Variants in TRAK1 observed in about 807,000 individuals in gnomAD.
The protein encoded by TRAK1 is trafficking kinesin-binding protein 1.
Under a neutral mutation model 92.1 loss-of-function variants are expected in TRAK1, and 33 were observed. The ratio of observed to expected loss-of-function variants is 0.36; its 90% CI spans 0.27 to 0.48. The LOEUF is 0.48. TRAK1 is among the 20% of genes least tolerant of loss of function. The pLI is 0.99. For missense variants in TRAK1, 1,123 were observed against 1,257.9 expected (o/e 0.89, Z 1.62); for synonymous variants, 521 against 517.3 (o/e 1.01, Z -0.10).
At chr3:42,018,081 T>C (rs1228223836) in intron 1 of TRAK1, among the ~76,000 whole-genome samples, 1 of 95,420 alleles carries the variant, frequency 1.0e-5, no homozygotes, top group Non-Finnish European at 2.4e-5. Flanking sequence ...TGAGACCTCA[T>C]TGTTACAAAA....
At chr3:42,118,438 C>CT (rs1346023809) in intron 1 of TRAK1, among the ~76,000 whole-genome samples, 1 of 152,228 alleles carries the variant, frequency 6.6e-6, no homozygotes, top group Non-Finnish European at 1.5e-5. Context: ...ATGTTGGACA[C>CT]TAATTTAGAG....
intron 1 of TRAK1, among the ~76,000 whole-genome samples, chr3:42,034,524 C>T (rs1419027968): frequency 1.3e-5 from 2 of 152,186 alleles, no homozygotes; most frequent in Non-Finnish European, 2.9e-5. Flanking sequence ...CTCCTGGGCT[C>T]AAGTGGTCTG....
At chr3:42,119,880 G>A (rs1023565368) in intron 1 of TRAK1, among the ~76,000 whole-genome samples, 10 of 152,114 alleles carry the variant, frequency 6.6e-5, no homozygotes, top group Non-Finnish European at 1.3e-4. Context: ...CTGTAGAAAC[G>A]TAGAGGCAGA....
chr3:42,040,925 C>T (rs976543938), intron 1 of TRAK1, among the ~76,000 whole-genome samples: 6 of 152,218 alleles, frequency 3.9e-5, no homozygotes, highest in Admixed American at 6.5e-5. Context: ...GTGATCTGCC[C>T]GCCTTGGCCT....
chr3:42,082,261 C>T (rs17067881), upstream of TRAK1, among the ~76,000 whole-genome samples: 6,172 of 152,072 alleles, frequency 0.041, 416 homozygotes, highest in African/African-American at 0.14. Context: ...GTAGTGAAAG[C>T]GAAAGTTATA....
chr3:42,160,606 T>C, intron 2 of TRAK1: 1 of 1,002,034 alleles, frequency 1.0e-6, no homozygotes, highest in Non-Finnish European at 1.4e-6. Flanking sequence ...AGAGATCTTA[T>C]GCAAATGGCT....
At chr3:42,155,190 A>T in intron 2 of TRAK1, among the ~76,000 whole-genome samples, 1 of 152,054 alleles carries the variant, frequency 6.6e-6, no homozygotes, top group South Asian at 2.1e-4. Context: ...ACAAAGGAAA[A>T]CGGGTTTGGG....
chr3:42,154,462 T>C (rs1382408510), intron 2 of TRAK1, among the ~76,000 whole-genome samples: 3 of 152,088 alleles, frequency 2.0e-5, no homozygotes, highest in Non-Finnish European at 1.5e-5. Flanking sequence ...CGTGAACCAC[T>C]GCACCCAGCC....
At position 42,202,498 on chromosome 3, in the gene TRAK1, C is replaced by T. The variant is rs542605152; in HGVS notation, c.1490C>T (p.Thr497Met). 3.2e-5 allele frequency: 48 copies of T among 1,507,246 alleles called. No individual in the cohort carries two copies. The East Asian group carries it at 4.2e-4, about 13-fold the overall frequency. The allele number at this position is 1,507,246 out of a possible 1,614,324, so 93.4% of individuals were successfully genotyped here. ...ACCCCAGGCTCCCACGACCTGGAGA[C>T]GGCGCTGAGGCGGCTGTCCCTGCGC... ...PGTPGSHDLE[T>M]ALRRLSLRRE... Residue 497 changes from threonine (T) to methionine (M), a missense_variant, in exon 13 of 16, where the codon ACG becomes ATG. Physicochemically the swap from Thr to Met is moderately conservative, Grantham distance 81. Around this residue, in one of 3 missense-constraint regions of TRAK1, gnomAD observed 686 missense variants for 747.6 expected, o/e 0.92. Transcript: ENST00000327628. This position sits in a 1 kb window ranked among gnomAD's most constrained non-coding sequence, Gnocchi z 6.1.
At chr3:42,103,760 A>T (rs1172926750) in intron 1 of TRAK1, among the ~76,000 whole-genome samples, 2 of 152,200 alleles carry the variant, frequency 1.3e-5, no homozygotes, top group Non-Finnish European at 2.9e-5. Context: ...TGCAGCTCCC[A>T]GCGTGAGTGA....
In TRAK1 at chr3:42,125,421, T is replaced by A; in HGVS notation, c.93T>A (p.Asp31Glu). Residue 31 changes from aspartate (D) to glutamate (E), a missense_variant and splice_region_variant, in exon 2 of 16, where the codon GAT becomes GAA. By Grantham distance (45) the Asp-to-Glu change is conservative (BLOSUM62 2). Coordinates refer to ENST00000327628, the MANE Select transcript of TRAK1 (RefSeq NM_001042646.3). ...ATTTCTTGGTTGTCTTGTCTTTAGATGTGTGCAACAGCACCGATCTTCCGG... is the reference window on the plus strand; with the variant it reads ...ATTTCTTGGTTGTCTTGTCTTTAGAAGTGTGCAACAGCACCGATCTTCCGG... The part of the protein sequence containing the change: ...HGKLIRTNAC[D>E]VCNSTDLPEV... 6.2e-7 allele frequency: 1 copy of A among 1,613,692 alleles called. No individual in the cohort carries two copies. Among genetic ancestry groups the A allele is most frequent in the Non-Finnish European group, 8.5e-7 (1 of 1,179,864 alleles).
chr3:42,161,566 G>A (rs1003083920), intron 2 of TRAK1, among the ~76,000 whole-genome samples: 3 of 151,386 alleles, frequency 2.0e-5, no homozygotes, highest in Admixed American at 6.6e-5. Flanking sequence ...AAAATTTTTT[G>A]GTAGAGACAG....
At chr3:42,081,990 C>T (rs899138221) in intron 1 of TRAK1, among the ~76,000 whole-genome samples, 3 of 152,204 alleles carry the variant, frequency 2.0e-5, no homozygotes, top group Admixed American at 6.5e-5. Flanking sequence ...TTGCCAGTTG[C>T]TGTACATGTA....
intron 6 of TRAK1, among the ~76,000 whole-genome samples, chr3:42,189,676 G>A (rs942726419): frequency 1.3e-5 from 2 of 151,996 alleles, no homozygotes; most frequent in Admixed American, 6.6e-5. Flanking sequence ...GACTACAGAC[G>A]CATGCCACCA....
chr3:42,026,519 G>A (rs770656592), intron 1 of TRAK1, among the ~76,000 whole-genome samples: 44 of 146,646 alleles, frequency 3.0e-4, no homozygotes, highest in Non-Finnish European at 5.1e-4. Context: ...AGAGATCAGT[G>A]ATCTCTTTTT....
Position 42,223,619 on chromosome 3 carries a change from G to A in TRAK1, c.2744G>A (p.Arg915Gln), listed in dbSNP as rs1710566623. 9 of 1,613,856 alleles carry A rather than the reference G, an allele frequency of 5.6e-6. No homozygotes were observed. Among genetic ancestry groups the A allele is most frequent in the African/African-American group, 1.3e-5 (1 of 74,850 alleles). ...GGGCTGCAGCTCAATAGTGGCATCC[G>A]GCGGAATCGCAGCTTCCCCACCATG... ...IGGLQLNSGI[R>Q]RNRSFPTMVG... is the part of the protein sequence containing the mutation. The change falls in exon 16 of 16, where the codon CGG (arginine) becomes CAG (glutamine). Residue 915 changes from arginine to glutamine, a missense_variant. Around this residue, in one of 3 missense-constraint regions of TRAK1, gnomAD observed 401 missense variants for 438.9 expected, o/e 0.91. Transcript: ENST00000327628. This position sits in a 1 kb window ranked among gnomAD's most constrained non-coding sequence, Gnocchi z 6.1.
At chr3:42,158,792 A>C (rs1476833036) in intron 2 of TRAK1, among the ~76,000 whole-genome samples, 2 of 147,888 alleles carry the variant, frequency 1.4e-5, no homozygotes, top group South Asian at 2.1e-4. Context: ...AAATACAAAA[A>C]AAAAAAAAAA....
chr3:42,223,503 G>GC lies in TRAK1; in HGVS notation c.2633dup (p.Pro880AlafsTer13). 1.2e-6 allele frequency: 2 copies of GC among 1,613,562 alleles called. No homozygotes were observed. The highest frequency in any genetic ancestry group is 1.1e-5 in the South Asian group (1 of 91,072). On this transcript the variant is annotated frameshift_variant, in exon 16 of 16. Transcript: ENST00000327628. LOFTEE classifies it high-confidence loss of function. The surrounding 1 kb of genome is among the most constrained non-coding windows in gnomAD (Gnocchi z 6.1). Reference sequence around the variant, plus strand: ...AGGAGCAGGGACCCCTCCTCTGTGGGCCCCCGGGGCCAGCACCAGCCCTTG... The same window carrying GC: ...AGGAGCAGGGACCCCTCCTCTGTGGGCCCCCCGGGGCCAGCACCAGCCCTTG...
intron 1 of TRAK1, among the ~76,000 whole-genome samples, chr3:42,074,084 C>T (rs77571642): frequency 0.069 from 10,544 of 152,174 alleles, 435 homozygotes; most frequent in Non-Finnish European, 0.092. Context: ...TCCGATTCTC[C>T]ACTGGACCAT....
Sources: gnomAD v4.1 joint callset for allele counts (sites outside exome capture counted in the v4.1 genomes callset) on GRCh38, gnomAD v4.1.1 for gene constraint, gnomAD v4.1.1 regional missense constraint, Gnocchi (gnomAD v3.1) non-coding constraint, MANE v1.5 for transcripts, NCBI Gene and HGNC (gene_info 2026-07-23, HGNC 2026-07-21) for gene names.